The following C6orf89 variants were observed in gnomAD, a reference collection of about 807,000 sequenced individuals.
C6orf89 encodes the protein chromosome 6 open reading frame 89.
Under a neutral mutation model 40.7 loss-of-function variants are expected in C6orf89, and 29 were observed. The ratio of observed to expected loss-of-function variants is 0.71; its 90% CI spans 0.53 to 0.97. The LOEUF is 0.97. C6orf89 is among the 50% of genes least tolerant of loss of function. The probability of loss-of-function intolerance (pLI) is 0.00; values close to 1 mark genes in which losing one functional copy is unlikely to be tolerated. For synonymous variants in C6orf89, 165 were observed against 152.2 expected (o/e 1.08, Z -0.62); for missense variants, 392 against 429.1 (o/e 0.91, Z 0.76).
intron 6 of C6orf89, 118 bp from the exon 7 acceptor site, chr6:36,916,327 T>C: frequency 9.1e-7 from 1 of 1,101,880 alleles, no homozygotes; most frequent in Non-Finnish European, 1.3e-6. Flanking sequence ...GATACTGTAC[T>C]CATATTTTTC....
intron 1 of C6orf89, among the ~76,000 whole-genome samples, chr6:36,887,205 C>T (rs755158822): frequency 6.6e-6 from 1 of 151,980 alleles, no homozygotes; most frequent in Non-Finnish European, 1.5e-5. Flanking sequence ...AGCTCCGCCT[C>T]CCCGGTTCAC....
chr6:36,887,602 A>G (rs1200330840), intron 1 of C6orf89, among the ~76,000 whole-genome samples: 1 of 152,184 alleles, frequency 6.6e-6, no homozygotes, highest in Non-Finnish European at 1.5e-5. Flanking sequence ...TTGTGTATGC[A>G]AAAGCAAAAA....
intron 4 of C6orf89, among the ~76,000 whole-genome samples, chr6:36,909,782 CAAAAA>C (rs34739520): frequency 4.4e-5 from 4 of 91,114 alleles, no homozygotes; most frequent in Non-Finnish European, 2.4e-5. Context: ...GAGCCTGTCT[CAAAAA>C]AAAAAAAAAA....
chr6:36,914,659 T>C lies in C6orf89; in HGVS notation c.661T>C (p.Phe221Leu). 1 of 1,614,256 alleles carries C rather than the reference T, an allele frequency of 6.2e-7. No homozygotes were observed. Among genetic ancestry groups the C allele is most frequent in the Non-Finnish European group, 8.5e-7 (1 of 1,180,050 alleles). ...EGFFAKWWRC[F>L]PERWFPFPYP... ...GTTTTTCGCCAAGTGGTGGCGCTGC[T>C]TTCCTGAGCGGTGGTTCCCATTTCC... The change falls in exon 6 of 9, where the codon TTT becomes CTT. Residue 221 changes from phenylalanine to leucine, a missense_variant. Transcript: ENST00000480824.
intron 4 of C6orf89, among the ~76,000 whole-genome samples, chr6:36,910,971 A>T (rs1456362324): frequency 6.6e-6 from 1 of 152,104 alleles, no homozygotes; most frequent in Non-Finnish European, 1.5e-5. Context: ...CTGTCACCTT[A>T]TTAAATTCTC....
At chr6:36,919,489 A>G in intron 7 of C6orf89, 89 bp from the exon 8 acceptor site, 2 of 1,471,316 alleles carry the variant, frequency 1.4e-6, no homozygotes, top group South Asian at 2.6e-5. Context: ...TCAGAGCCAT[A>G]TGTGAAAGCA....
At chr6:36,889,550 T>C (rs1035607888) in intron 1 of C6orf89, among the ~76,000 whole-genome samples, 1 of 148,862 alleles carries the variant, frequency 6.7e-6, no homozygotes, top group African/African-American at 2.5e-5. Context: ...TCTTCAAGTA[T>C]GTCAATGTCC....
chr6:36,919,152 A>G (rs1324819105), intron 7 of C6orf89, among the ~76,000 whole-genome samples: 1 of 152,376 alleles, frequency 6.6e-6, no homozygotes. Context: ...AGAATGTTGT[A>G]TACTTCAGCC....
chr6:36,889,303 G>A (rs1444621976), intron 1 of C6orf89, among the ~76,000 whole-genome samples: 1 of 152,138 alleles, frequency 6.6e-6, no homozygotes, highest in Non-Finnish European at 1.5e-5. Flanking sequence ...AAGCAATGTC[G>A]GTGGAGTGAG....
At chr6:36,904,513 T>G (rs1016023237) in intron 4 of C6orf89, among the ~76,000 whole-genome samples, 1 of 152,182 alleles carries the variant, frequency 6.6e-6, no homozygotes, top group African/African-American at 2.4e-5. Context: ...GCTGTAGACA[T>G]GTGAAACTAA....
In C6orf89 at chr6:36,921,788, G is replaced by A. The variant is rs538195691; in HGVS notation, c.950-1559G>A. ...CACACCTATAATCCCAGCACTTTGG[G>A]AGGCCAAGGCAGGAGGATTGCTTGA... On this transcript the variant is annotated intron_variant, in intron 8 of 8. Coordinates refer to ENST00000480824, the MANE Select transcript of C6orf89 (RefSeq NM_001286635.2). 8.5e-5 allele frequency among the ~76,000 whole-genome samples: 13 copies of A among 152,324 alleles called. No individual in the cohort carries two copies. The East Asian group carries it at 2.5e-3, about 29-fold the overall frequency.
intron 3 of C6orf89, among the ~76,000 whole-genome samples, 194 bp downstream of exon 3, chr6:36,899,827 T>C (rs1761596725): frequency 6.6e-6 from 1 of 152,252 alleles, no homozygotes; most frequent in Non-Finnish European, 1.5e-5. Context: ...AAGCTGCATA[T>C]TTACAGTTAA....
chr6:36,902,232 C>G lies in C6orf89; in HGVS notation c.201C>G (p.Thr67=). 2.5e-6 allele frequency: 4 copies of G among 1,614,072 alleles called. No homozygotes were observed. The highest frequency in any genetic ancestry group is 3.4e-6 in the Non-Finnish European group (4 of 1,179,976). Residue 67 remains threonine (T), a synonymous_variant, in exon 4 of 9, where the codon ACC becomes ACG. Transcript: ENST00000480824. ...LLIVVYKVLA[T]LGLILLTAYF... is the part of the protein sequence containing the mutation. Reference sequence around the variant, plus strand: ...ATCTTTCCTTGTAGGTTCTCGCAACCTTGGGATTAATCTTGCTCACTGCCT... The same window carrying G: ...ATCTTTCCTTGTAGGTTCTCGCAACGTTGGGATTAATCTTGCTCACTGCCT...
At position 36,919,236 on chromosome 6, in the gene C6orf89, G is replaced by C. The variant is rs562284857; in HGVS notation, c.826-342G>C. ...GTATTTTTCTTTGGCTTACTTTGAA[G>C]CTGTGGCTAAAAATAGTTGCAAATT... On this transcript the variant is annotated intron_variant, in intron 7 of 8. Transcript: ENST00000480824. Among the ~76,000 whole-genome samples the C allele has an allele frequency of 9.2e-5, 14 of 152,320 alleles. No homozygotes were observed. In the South Asian group the frequency reaches 2.5e-3, roughly 27 times the overall value.
Position 36,923,466 on chromosome 6 carries a change from G to A in C6orf89, c.*25G>A. ...GGAAATAGAACTGTGCACAGGAACAGCTTCCAGAGCCGAAAACCAGGTTGA... is the reference window on the plus strand; with the variant it reads ...GGAAATAGAACTGTGCACAGGAACAACTTCCAGAGCCGAAAACCAGGTTGA... On this transcript the variant is annotated 3_prime_UTR_variant, in exon 9 of 9. Transcript: ENST00000480824. The A allele has an allele frequency of 1.3e-6, 2 of 1,567,936 alleles. No homozygotes were observed. Among genetic ancestry groups the A allele is most frequent in the East Asian group, 2.2e-5 (1 of 44,700 alleles).
At chr6:36,923,007 T>G (rs10498736) in intron 8 of C6orf89, among the ~76,000 whole-genome samples, 39,326 of 151,946 alleles carry the variant, frequency 0.26, 5,398 homozygotes, top group African/African-American at 0.35. Flanking sequence ...GGAATACTTA[T>G]GCTAGGAAGT....
chr6:36,902,281 C>T lies in C6orf89; in HGVS notation c.250C>T (p.Pro84Ser), dbSNP rs777019539. Reference sequence around the variant, plus strand: ...CTACTTTGTGATTCAACCTTTCAGCCCATTAGCACCTGAGCCAGTGCTTTC... The same window carrying T: ...CTACTTTGTGATTCAACCTTTCAGCTCATTAGCACCTGAGCCAGTGCTTTC... ...TAYFVIQPFS[P>S]LAPEPVLSGA... is the part of the protein sequence containing the mutation. The change falls in exon 4 of 9, where the codon CCA becomes TCA. Residue 84 changes from proline to serine, a missense_variant. By Grantham distance (74) the Pro-to-Ser change is moderately conservative. Coordinates refer to ENST00000480824, the MANE Select transcript of C6orf89 (RefSeq NM_001286635.2). 7 of 1,614,122 alleles carry T rather than the reference C, an allele frequency of 4.3e-6. No individual in the cohort carries two copies. Among genetic ancestry groups the T allele is most frequent in the Non-Finnish European group, 5.9e-6 (7 of 1,180,028 alleles).
Position 36,910,163 on chromosome 6 carries a change from G to A in C6orf89, c.404-4121G>A, listed in dbSNP as rs1174472027. 1.3e-5 allele frequency among the ~76,000 whole-genome samples: 2 copies of A among 151,292 alleles called. 1 individual carries two copies. Among genetic ancestry groups the A allele is most frequent in the Non-Finnish European group, 2.9e-5 (2 of 67,844 alleles). ...TTTTTTTGAGACAGGATCTCACTGT[G>A]TTCCCAGGCTAGCCTTGAACTCCTG... On this transcript the variant is annotated intron_variant, in intron 4 of 8. Coordinates refer to ENST00000480824, the MANE Select transcript of C6orf89 (RefSeq NM_001286635.2).
chr6:36,907,615 C>T (rs979133579), intron 4 of C6orf89, among the ~76,000 whole-genome samples: 3 of 152,176 alleles, frequency 2.0e-5, no homozygotes, highest in Non-Finnish European at 4.4e-5. Context: ...ACTTGAAATA[C>T]AAGTTATAAG....
Sources: allele counts gnomAD v4.1 joint callset (sites outside exome capture counted in the v4.1 genomes callset), GRCh38; gene constraint gnomAD v4.1.1; transcripts MANE v1.5; gene names NCBI Gene and HGNC (gene_info 2026-07-23, HGNC 2026-07-21).